The following RALGAPA2 variants were observed in gnomAD, a reference collection of about 807,000 sequenced individuals.
RALGAPA2 encodes the protein ral GTPase-activating protein subunit alpha-2.
Under a neutral mutation model 230.4 loss-of-function variants are expected in RALGAPA2, and 139 were observed. That is an observed-to-expected ratio of 0.60 (90% CI 0.53 to 0.69). The LOEUF (loss-of-function observed/expected upper bound fraction) is 0.69, where lower values mean the gene tolerates loss of function less well. Ranked by LOEUF, RALGAPA2 falls within the 30% of genes least tolerant of loss-of-function variation. The probability of loss-of-function intolerance (pLI) is 0.00; values close to 1 mark genes in which losing one functional copy is unlikely to be tolerated. For synonymous variants in RALGAPA2, 847 were observed against 837.8 expected, an observed-to-expected ratio of 1.01 and a Z score of -0.19; for missense variants, 2,163 against 2,276.0, an observed-to-expected ratio of 0.95 and a Z score of 1.01.
At chr20:20,497,783 A>G (rs936207252) in intron 35 of RALGAPA2, among the ~76,000 whole-genome samples, 1 of 152,230 alleles carries the variant, frequency 6.6e-6, no homozygotes, top group African/African-American at 2.4e-5. Flanking sequence ...CCATTCTCCC[A>G]GTGTGGCAAT....
At chr20:20,504,091 G>A (rs1323826158) in intron 34 of RALGAPA2, among the ~76,000 whole-genome samples, 1 of 152,028 alleles carries the variant, frequency 6.6e-6, no homozygotes, top group African/African-American at 2.4e-5. Context: ...TATTCTTTCA[G>A]TAAAATACCT....
chr20:20,602,671 A>G (rs1403112893), intron 15 of RALGAPA2, among the ~76,000 whole-genome samples: 1 of 152,234 alleles, frequency 6.6e-6, no homozygotes, highest in Non-Finnish European at 1.5e-5. Context: ...CATAAATCAG[A>G]AATATTAGTC....
At chr20:20,538,401 A>G (rs987868486) in intron 24 of RALGAPA2, among the ~76,000 whole-genome samples, 4 of 152,140 alleles carry the variant, frequency 2.6e-5, no homozygotes, top group African/African-American at 9.7e-5. Context: ...GGTGTCCATG[A>G]GATGGGAGGC....
At chr20:20,513,346 C>CT (rs141952738) in intron 31 of RALGAPA2, 62 bp from the exon 32 acceptor site, 40 of 913,286 alleles carry the variant, frequency 4.4e-5, no homozygotes, top group South Asian at 2.4e-4. Context: ...AACTCAACAC[C>CT]TTTTTTTTGG....
intron 17 of RALGAPA2, 86 bp downstream of exon 17, chr20:20,591,091 T>C (rs910435093): frequency 1.4e-6 from 2 of 1,415,288 alleles, no homozygotes; most frequent in African/African-American, 1.4e-5. Flanking sequence ...ATATTCAGAA[T>C]ATATGTACAA....
chr20:20,407,097 G>C (rs1005205909), intron 38 of RALGAPA2, among the ~76,000 whole-genome samples: 1 of 152,086 alleles, frequency 6.6e-6, no homozygotes, highest in African/African-American at 2.4e-5. Context: ...CATGACCTTC[G>C]GTGGTCCCTT....
At chr20:20,506,295 G>A (rs2062532197) in intron 33 of RALGAPA2, among the ~76,000 whole-genome samples, 1 of 152,020 alleles carries the variant, frequency 6.6e-6, no homozygotes, top group South Asian at 2.1e-4. Context: ...TTTCTCTTTT[G>A]CACATCTAGC....
chr20:20,593,387 T>G (rs758740953), intron 16 of RALGAPA2, among the ~76,000 whole-genome samples: 5 of 152,210 alleles, frequency 3.3e-5, no homozygotes, highest in Non-Finnish European at 5.9e-5. Flanking sequence ...TATGTGCACA[T>G]TTTTAATCTA....
Position 20,391,607 on chromosome 20 carries a change from C to T in RALGAPA2, c.*1682G>A, listed in dbSNP as rs1342041183. The T allele has an allele frequency of 1.3e-5, 2 of 152,246 alleles. No homozygotes were observed. Among genetic ancestry groups the T allele is most frequent in the Admixed American group, 6.5e-5 (1 of 15,286 alleles). The allele number at this position is 152,246 out of a possible 1,614,324, so 9.4% of individuals were successfully genotyped here. ...GAGTGAGTCTGGCTCCTGAGTCTCC[C>T]CGTTTTCCCTACAAAGGCCAGGTTC... On this transcript the variant is annotated 3_prime_UTR_variant, in exon 40 of 40. Coordinates refer to ENST00000202677, the MANE Select transcript of RALGAPA2 (RefSeq NM_020343.4).
At position 20,391,301 on chromosome 20, in the gene RALGAPA2, G is replaced by T. The variant is rs1005039560; in HGVS notation, c.*1988C>A. 6.6e-5 allele frequency: 10 copies of T among 152,194 alleles called. No individual in the cohort carries two copies. The highest frequency in any genetic ancestry group is 1.0e-4 in the Non-Finnish European group (7 of 68,050). 9.4% of individuals were successfully genotyped at this position (152,194 alleles called of 1,614,324 possible). ...AATCATTTAAAATAAAGGGGCATTT[G>T]CTGACACCACAGAAAATGCCAGGAC... On this transcript the variant is annotated 3_prime_UTR_variant, in exon 40 of 40. Coordinates refer to ENST00000202677, the MANE Select transcript of RALGAPA2 (RefSeq NM_020343.4).
chr20:20,447,823 C>A (rs1208729186), intron 37 of RALGAPA2, among the ~76,000 whole-genome samples: 1 of 152,052 alleles, frequency 6.6e-6, no homozygotes, highest in East Asian at 1.9e-4. Context: ...TGAGCCACAT[C>A]GACAGTATCT....
At chr20:20,464,965 T>C (rs1490821241) in intron 37 of RALGAPA2, among the ~76,000 whole-genome samples, 1 of 152,162 alleles carries the variant, frequency 6.6e-6, no homozygotes, top group Non-Finnish European at 1.5e-5. Flanking sequence ...AGAGTTAATG[T>C]ATATTTATAT....
intron 16 of RALGAPA2, among the ~76,000 whole-genome samples, chr20:20,596,836 C>A (rs185387256): frequency 1.3e-5 from 2 of 152,350 alleles, no homozygotes; most frequent in African/African-American, 4.8e-5. Context: ...TGTTTGGGAG[C>A]TGTCCTGTGC....
At position 20,643,496 on chromosome 20, in the gene RALGAPA2, A is replaced by G. The variant is rs1161055028; in HGVS notation, c.372+10T>C. The stretch of plus-strand genomic sequence containing the variant: ...TAATAAAAAATGTCATTACACAATA[A>G]AATAAATACCTTAATAGAATTTCCA... On this transcript the variant is annotated intron_variant, in intron 5 of 39. Coordinates refer to ENST00000202677, the MANE Select transcript of RALGAPA2 (RefSeq NM_020343.4). The G allele has an allele frequency of 6.8e-7, 1 of 1,470,758 alleles. No individual in the cohort carries two copies. The highest frequency in any genetic ancestry group is 2.5e-5 in the East Asian group (1 of 39,466). The allele number at this position is 1,470,758 out of a possible 1,614,324, so 91.1% of individuals were successfully genotyped here.
At chr20:20,626,465 T>C (rs1186306409) in intron 10 of RALGAPA2, among the ~76,000 whole-genome samples, 2 of 152,266 alleles carry the variant, frequency 1.3e-5, no homozygotes, top group Non-Finnish European at 2.9e-5. Flanking sequence ...ATGTAGTCTA[T>C]AGTCACCTCA....
Position 20,640,773 on chromosome 20 carries a change from G to A in RALGAPA2, c.478C>T (p.Pro160Ser). The change falls in exon 6 of 40, where the codon CCA (proline) becomes TCA (serine). Residue 160 changes from proline to serine, a missense_variant. Transcript: ENST00000202677. ...GGGCCCCTGGATGACATGACTGCTG[G>A]GAAACCAGGCACCAGGCAAGCAAAA... ...LIFACLVPGFPAVMSSRGPCT... is the reference protein window; with the variant it reads ...LIFACLVPGFSAVMSSRGPCT... 1.2e-6 allele frequency: 2 copies of A among 1,613,930 alleles called. No individual in the cohort carries two copies. Among genetic ancestry groups the A allele is most frequent in the South Asian group, 2.2e-5 (2 of 91,076 alleles).
At chr20:20,458,222 G>GGAAAATGTTGCCTTCAGC (rs2061169130) in intron 37 of RALGAPA2, among the ~76,000 whole-genome samples, 1 of 151,882 alleles carries the variant, frequency 6.6e-6, no homozygotes, top group Non-Finnish European at 1.5e-5. Context: ...TTGAGATGTT[G>GGAAAATGTTGCCTTCAGC]GAAAATGTTG....
chr20:20,396,492 C>T (rs1221880830), intron 39 of RALGAPA2, among the ~76,000 whole-genome samples: 1 of 152,252 alleles, frequency 6.6e-6, no homozygotes, highest in Non-Finnish European at 1.5e-5. Flanking sequence ...AGTGCACGGG[C>T]AGAAGAAAGG....
intron 10 of RALGAPA2, among the ~76,000 whole-genome samples, chr20:20,620,842 G>A (rs1261607089): frequency 2.6e-5 from 4 of 152,092 alleles, no homozygotes; most frequent in African/African-American, 4.8e-5. Context: ...AAAAAATGGC[G>A]TTAAAAATAA....
Sources: allele counts gnomAD v4.1 joint callset (sites outside exome capture counted in the v4.1 genomes callset), GRCh38; gene constraint gnomAD v4.1.1; transcripts MANE v1.5; gene names NCBI Gene and HGNC (gene_info 2026-07-23, HGNC 2026-07-21).